The following SND1 variants were observed in gnomAD, a reference collection of about 807,000 sequenced individuals.
SND1 encodes the protein staphylococcal nuclease and tudor domain containing 1, also known as staphylococcal nuclease domain-containing protein 1.
In SND1, 38 loss-of-function variants were observed where a neutral mutation model predicts 121.7. The observed-to-expected ratio is 0.31, with a 90% CI of 0.24 to 0.41. The LOEUF (loss-of-function observed/expected upper bound fraction) is 0.41, where lower values mean the gene tolerates loss of function less well. SND1 is among the 10% of genes least tolerant of loss of function. The pLI, the probability that SND1 is intolerant of heterozygous loss-of-function variation, is 1.00. For synonymous variants in SND1, 401 were observed against 447.4 expected, an observed-to-expected ratio of 0.90 and a Z score of 1.31; for missense variants, 868 against 1,184.6, an observed-to-expected ratio of 0.73 and a Z score of 3.92.
At chr7:128,010,201 T>C (rs1185746003) in intron 16 of SND1, among the ~76,000 whole-genome samples, 1 of 152,222 alleles carries the variant, frequency 6.6e-6, no homozygotes, top group Non-Finnish European at 1.5e-5. Flanking sequence ...TCAACACTTG[T>C]TGAATGCTTA....
chr7:127,923,766 G>A (rs1800767472), intron 14 of SND1, among the ~76,000 whole-genome samples: 1 of 152,154 alleles, frequency 6.6e-6, no homozygotes, highest in Admixed American at 6.5e-5. Context: ...GCACAACCCA[G>A]AAAAACATAG....
chr7:127,849,996 C>T (rs893513893), intron 12 of SND1, among the ~76,000 whole-genome samples: 2 of 152,142 alleles, frequency 1.3e-5, no homozygotes, highest in African/African-American at 2.4e-5. Flanking sequence ...TCGTGGATAG[C>T]GCTTACCTTT....
chr7:127,908,353 T>TGTGTGC (rs1457406688), intron 14 of SND1, among the ~76,000 whole-genome samples: 1 of 147,990 alleles, frequency 6.8e-6, no homozygotes, highest in Non-Finnish European at 1.5e-5. Flanking sequence ...TGTGTGTGTG[T>TGTGTGC]GTGTGTGCGT....
intron 10 of SND1, among the ~76,000 whole-genome samples, chr7:127,736,723 TCCAGGC>T (rs1796782408): frequency 6.6e-6 from 1 of 152,224 alleles, no homozygotes; most frequent in East Asian, 1.9e-4. Context: ...CAGGCTGTGA[TCCAGGC>T]CCTTTGTGTT....
chr7:127,890,818 A>G (rs1799997708), intron 13 of SND1, among the ~76,000 whole-genome samples: 1 of 152,170 alleles, frequency 6.6e-6, no homozygotes, highest in African/African-American at 2.4e-5. Context: ...TAATGTAACA[A>G]GATGCTTGCT....
intron 16 of SND1, chr7:128,030,549 A>G (rs1470797815): frequency 6.2e-7 from 1 of 1,613,252 alleles, no homozygotes; most frequent in Admixed American, 1.7e-5. Flanking sequence ...GGCTGCACAC[A>G]GAATCCACAC....
At chr7:127,912,755 A>G (rs963457356) in intron 14 of SND1, among the ~76,000 whole-genome samples, 1 of 152,212 alleles carries the variant, frequency 6.6e-6, no homozygotes, top group Non-Finnish European at 1.5e-5. Flanking sequence ...TGTAGAAGCA[A>G]GAGAAATACA....
At chr7:127,887,836 A>G in intron 12 of SND1, 66 bp from the exon 13 acceptor site, 3 of 1,057,436 alleles carry the variant, frequency 2.8e-6, no homozygotes, top group South Asian at 2.6e-5. Context: ...GCTAACTGTT[A>G]TTATTTCTGT....
At chr7:127,890,239 C>T (rs1232132915) in intron 13 of SND1, among the ~76,000 whole-genome samples, 1 of 152,040 alleles carries the variant, frequency 6.6e-6, no homozygotes, top group Non-Finnish European at 1.5e-5. Flanking sequence ...GAGATGATAC[C>T]TCATTGTAGT....
intron 16 of SND1, chr7:127,997,405 G>A (rs1361660906): frequency 3.2e-6 from 1 of 308,240 alleles, no homozygotes; most frequent in East Asian, 8.3e-5. Context: ...TTCCAAGACT[G>A]CAGAGGAATT....
intron 15 of SND1, among the ~76,000 whole-genome samples, chr7:127,945,068 G>A (rs1801298352): frequency 6.6e-6 from 1 of 152,148 alleles, no homozygotes; most frequent in Admixed American, 6.5e-5. Flanking sequence ...TAGGGACCTT[G>A]TCTGTCTTGT....
chr7:128,020,236 G>A lies in SND1; in HGVS notation c.1779+29180G>A, dbSNP rs182616864. ...ATGAGTGGGCACCATCTGTCTCAGA[G>A]CATTAAGCACAGATAACAGTACTGG... On this transcript the variant is annotated intron_variant, in intron 16 of 23. Transcript: ENST00000354725. Among the ~76,000 whole-genome samples the A allele has an allele frequency of 5.7e-3, 866 of 152,336 alleles. 8 individuals carry two copies. Among genetic ancestry groups the A allele is most frequent in the African/African-American group, 0.02 (825 of 41,566 alleles).
chr7:127,900,600 G>T (rs1470006055), intron 13 of SND1, among the ~76,000 whole-genome samples: 1 of 152,186 alleles, frequency 6.6e-6, no homozygotes, highest in African/African-American at 2.4e-5. Flanking sequence ...ATATGTGAGA[G>T]TTTCGAGCTT....
intron 16 of SND1, among the ~76,000 whole-genome samples, chr7:128,054,927 T>TG (rs1562884133): frequency 6.6e-6 from 1 of 152,194 alleles, no homozygotes; most frequent in Non-Finnish European, 1.5e-5. Flanking sequence ...CTCTGTGATG[T>TG]GGGGAAAGCC....
chr7:128,073,415 C>T (rs1041357298), intron 16 of SND1, among the ~76,000 whole-genome samples: 3 of 152,114 alleles, frequency 2.0e-5, no homozygotes, highest in African/African-American at 4.8e-5. Flanking sequence ...TGGGAGGAAG[C>T]GAGGGTCCTG....
intron 16 of SND1, chr7:127,997,989 T>C (rs1458072872): frequency 1.9e-6 from 1 of 531,022 alleles, no homozygotes; most frequent in Non-Finnish European, 3.9e-6. Context: ...TTACCAATAG[T>C]ATACAAGGGA....
At chr7:127,699,081 A>G in intron 4 of SND1, 128 bp downstream of exon 4, 1 of 712,944 alleles carries the variant, frequency 1.4e-6, no homozygotes, top group Non-Finnish European at 2.5e-6. Context: ...TTGCCCAGGT[A>G]TGGATTATTC....
intron 4 of SND1, 126 bp from the exon 5 acceptor site, chr7:127,701,037 C>A (rs777370391): frequency 9.9e-7 from 1 of 1,008,330 alleles, no homozygotes; most frequent in South Asian, 1.7e-5. Context: ...GGTCTTAAGC[C>A]ATAGATCTGA....
intron 12 of SND1, among the ~76,000 whole-genome samples, chr7:127,860,615 A>G (rs1405742240): frequency 6.6e-6 from 1 of 152,098 alleles, no homozygotes; most frequent in Admixed American, 6.6e-5. Context: ...TTTTAACCCT[A>G]TTTGTAACTG....
Sources: gnomAD v4.1 joint callset for allele counts (sites outside exome capture counted in the v4.1 genomes callset) on GRCh38, gnomAD v4.1.1 for gene constraint, MANE v1.5 for transcripts, NCBI Gene and HGNC (gene_info 2026-07-23, HGNC 2026-07-21) for gene names.